Variants in RDH13 observed in about 807,000 individuals in gnomAD.
RDH13 encodes the protein retinol dehydrogenase 13 (all-trans and 9-cis).
In RDH13, 35 loss-of-function variants were observed where a neutral mutation model predicts 28.3. That is an observed-to-expected ratio of 1.24 (90% CI 0.95 to 1.64). RDH13 has a LOEUF of 1.64. RDH13 is among the 40% of genes most tolerant of loss of function. The pLI, the probability that RDH13 is intolerant of heterozygous loss-of-function variation, is 0.00. For synonymous variants in RDH13, 229 were observed against 198.5 expected (o/e 1.15, Z -1.29); for missense variants, 514 against 446.3 (o/e 1.15, Z -1.37).
intron 3 of RDH13, chr19:55,050,871 G>A (rs959848752): frequency 1.2e-4 from 18 of 151,906 alleles, no homozygotes; most frequent in African/African-American, 3.6e-4. Context: ...GTGTGAGAAG[G>A]AGGGGGTTGC....
chr19:55,055,098 G>C (rs2075588050), intron 3 of RDH13, among the ~76,000 whole-genome samples: 1 of 152,024 alleles, frequency 6.6e-6, no homozygotes, highest in Admixed American at 6.6e-5. Flanking sequence ...AACAAGACTA[G>C]AAAGATCCAT....
upstream of RDH13, among the ~76,000 whole-genome samples, chr19:55,066,138 A>C (rs1055417834): frequency 4.6e-5 from 7 of 152,232 alleles, no homozygotes; most frequent in Admixed American, 3.3e-4. Context: ...CAATGCATGC[A>C]TATTCCTCCT....
At chr19:55,058,020 C>G (rs753482807) in intron 2 of RDH13, among the ~76,000 whole-genome samples, 41 of 151,958 alleles carry the variant, frequency 2.7e-4, no homozygotes, top group Admixed American at 3.9e-4. Flanking sequence ...AAGTGATCCT[C>G]CTGCCTCAGC....
At position 55,048,707 on chromosome 19, in the gene RDH13, A is replaced by G. The variant is rs1346282929; in HGVS notation, c.397T>C (p.Trp133Arg). The stretch of plus-strand genomic sequence containing the variant: ...ATCTCGAAGCCGTCCTCGGTGGTCC[A>G]GTGGGGGCACCGCATCACACCCGCG... ...NNAGVMRCPH[W>R]TTEDGFEMQF... The change falls in exon 4 of 7, where the codon TGG (tryptophan) becomes CGG (arginine). Residue 133 changes from tryptophan to arginine, a missense_variant. Physicochemically the swap from Trp to Arg is moderately radical, Grantham distance 101 (BLOSUM62 -3). Coordinates refer to ENST00000415061, the MANE Select transcript of RDH13 (RefSeq NM_001145971.2). 6.8e-6 allele frequency: 11 copies of G among 1,613,732 alleles called. No homozygotes were observed. The Admixed American group carries it at 1.0e-4, about 15-fold the overall frequency.
At chr19:55,063,206 G>A, upstream of RDH13, 1 of 481,678 alleles carries the variant, frequency 2.1e-6, no homozygotes, top group Non-Finnish European at 3.4e-6. Context: ...GCGGGCGGAG[G>A]GGGCGGGGAT....
At chr19:55,054,735 A>ATTTTT (rs61279685) in intron 3 of RDH13, among the ~76,000 whole-genome samples, 20 of 147,702 alleles carry the variant, frequency 1.4e-4, no homozygotes, top group African/African-American at 3.7e-4. Flanking sequence ...TGCCCGGCTA[A>ATTTTT]TTTTTTTTTT....
intron 2 of RDH13, among the ~76,000 whole-genome samples, chr19:55,057,332 T>A (rs913285547): frequency 2.0e-5 from 3 of 152,138 alleles, no homozygotes; most frequent in Non-Finnish European, 4.4e-5. Flanking sequence ...GTTGCATCAT[T>A]CTGTGACTAT....
downstream of RDH13, chr19:55,042,646 G>A (rs1193093570): frequency 1.3e-5 from 2 of 152,148 alleles, no homozygotes; most frequent in Non-Finnish European, 2.9e-5. Flanking sequence ...ACAGTCTCCG[G>A]TCGGCATGCT....
chr19:55,049,299 G>C (rs2075351099), intron 3 of RDH13, among the ~76,000 whole-genome samples: 2 of 152,136 alleles, frequency 1.3e-5, no homozygotes, highest in South Asian at 2.1e-4. Flanking sequence ...GAGGTTACCG[G>C]TGGGAGCCCC....
At chr19:55,064,666 A>T (rs374825827), upstream of RDH13, among the ~76,000 whole-genome samples, 96 of 149,308 alleles carry the variant, frequency 6.4e-4, 2 homozygotes, top group South Asian at 1.3e-3. Flanking sequence ...CAGGCTGGAG[A>T]GCAGTGGGCG....
Position 55,044,788 on chromosome 19 carries a change from A to G in RDH13, c.*286T>C. ...CCTGACGTGGCCTGCAAGTGCACGG[A>G]GCCCCTTCCTCCTCGGCCATTCCCA... On this transcript the variant is annotated 3_prime_UTR_variant, in exon 7 of 7. Transcript: ENST00000415061. 2 of 444,314 alleles carry G rather than the reference A, an allele frequency of 4.5e-6. No homozygotes were observed. The highest frequency in any genetic ancestry group is 3.6e-5 in the East Asian group (1 of 27,956). The allele number at this position is 444,314 out of a possible 1,614,324, so 27.5% of individuals were successfully genotyped here. A position where few individuals can be genotyped will look rare whatever the true frequency, so the allele number is the denominator to read the frequency against.
chr19:55,063,066 T>C lies in RDH13; in HGVS notation c.-34A>G. The C allele has an allele frequency of 6.8e-6, 9 of 1,329,886 alleles. No individual in the cohort carries two copies. The highest frequency in any genetic ancestry group is 8.7e-6 in the Non-Finnish European group (9 of 1,037,948). The allele number at this position is 1,329,886 out of a possible 1,614,324, so 82.4% of individuals were successfully genotyped here. Reference sequence around the variant, plus strand: ...GGGGACAGGCGTCAGGCGTCAGGGGTCGGCGCGGAGCTTGCTGCACACCAG... The same window carrying C: ...GGGGACAGGCGTCAGGCGTCAGGGGCCGGCGCGGAGCTTGCTGCACACCAG... On this transcript the variant is annotated 5_prime_UTR_variant, in exon 1 of 7. Transcript: ENST00000415061.
At chr19:55,045,802 T>A (rs183132535) in intron 6 of RDH13, among the ~76,000 whole-genome samples, 1,876 of 150,258 alleles carry the variant, frequency 0.012, 26 homozygotes, top group Non-Finnish European at 0.017. Flanking sequence ...AAAAATTAAC[T>A]GGGTGTGGTG....
chr19:55,063,964 C>T, upstream of RDH13: 1 of 152,170 alleles, frequency 6.6e-6, no homozygotes, highest in East Asian at 1.9e-4. Context: ...CACCTCCTAC[C>T]CCTGACTGTG....
At chr19:55,059,417 G>A (rs1214383826) in intron 1 of RDH13, 142 bp from the exon 2 acceptor site, 1 of 616,946 alleles carries the variant, frequency 1.6e-6, no homozygotes, top group African/African-American at 1.8e-5. Context: ...CACACCAAGG[G>A]ACCTCTGTCA....
Position 55,048,173 on chromosome 19 carries a change from T to C in RDH13, c.658+156A>G, listed in dbSNP as rs1265506139. 8 of 1,535,356 alleles carry C rather than the reference T, an allele frequency of 5.2e-6. No individual in the cohort carries two copies. In the East Asian group the frequency reaches 2.0e-4, roughly 37 times the overall value. Reference sequence around the variant, plus strand: ...GAACGATCGATTAGTGATGTCTGCTTCAGGCACCAGAAGCGGGCAGCGTGG... The same window carrying C: ...GAACGATCGATTAGTGATGTCTGCTCCAGGCACCAGAAGCGGGCAGCGTGG... On this transcript the variant is annotated intron_variant, in intron 5 of 6. Transcript: ENST00000415061.
At chr19:55,048,126 G>A (rs1169682469) in intron 5 of RDH13, 1 of 1,531,542 alleles carries the variant, frequency 6.5e-7, no homozygotes, top group African/African-American at 1.4e-5. Context: ...GACCACCTGG[G>A]ATGAACAGAC....
At chr19:55,049,508 G>A (rs1171352489) in intron 3 of RDH13, among the ~76,000 whole-genome samples, 1 of 152,162 alleles carries the variant, frequency 6.6e-6, no homozygotes, top group East Asian at 1.9e-4. Flanking sequence ...TCACAGACCT[G>A]GCCGGGCACA....
At chr19:55,048,008 A>T in intron 5 of RDH13, 1 of 1,370,450 alleles carries the variant, frequency 7.3e-7, no homozygotes, top group Non-Finnish European at 9.6e-7. Flanking sequence ...CCAGGCATTG[A>T]CAACTGCGGG....
Sources: gnomAD v4.1 joint callset for allele counts (sites outside exome capture counted in the v4.1 genomes callset) on GRCh38, gnomAD v4.1.1 for gene constraint, MANE v1.5 for transcripts, NCBI Gene and HGNC (gene_info 2026-07-23, HGNC 2026-07-21) for gene names.